MEMO1: variants seen among roughly 807,000 people sequenced by gnomAD.
The protein encoded by MEMO1 is mediator of cell motility 1.
Under a neutral mutation model 45.2 loss-of-function variants are expected in MEMO1, and 6 were observed. That is an observed-to-expected ratio of 0.13 (90% CI 0.07 to 0.26). MEMO1 has a LOEUF of 0.26. MEMO1 is among the 10% of genes least tolerant of loss of function. The pLI is 1.00. For missense variants in MEMO1, 184 were observed against 370.5 expected (o/e 0.50, Z 4.13); for synonymous variants, 78 against 124.3 (o/e 0.63, Z 2.48).
intron 8 of MEMO1, among the ~76,000 whole-genome samples, chr2:31,877,787 T>C (rs1173262032): frequency 6.6e-6 from 1 of 152,164 alleles, no homozygotes; most frequent in African/African-American, 2.4e-5. Context: ...ACTGGGCATT[T>C]ACATTCTTAA....
At chr2:31,993,905 G>A (rs1672239201) in intron 2 of MEMO1, among the ~76,000 whole-genome samples, 2 of 145,890 alleles carry the variant, frequency 1.4e-5, no homozygotes, top group African/African-American at 2.6e-5. Flanking sequence ...CATAAGTAAT[G>A]CTGTTGCTGT....
chr2:31,969,439 A>G (rs1399972960), intron 2 of MEMO1, among the ~76,000 whole-genome samples: 3 of 151,786 alleles, frequency 2.0e-5, no homozygotes, highest in Non-Finnish European at 4.4e-5. Context: ...ATGTGTGTGT[A>G]TACGCATATA....
chr2:31,901,388 A>G (rs1308233485), intron 6 of MEMO1, among the ~76,000 whole-genome samples: 2 of 150,548 alleles, frequency 1.3e-5, no homozygotes, highest in Non-Finnish European at 3.0e-5. Context: ...AAAAAAAAAA[A>G]AAAAAAAAAA....
chr2:31,984,792 C>A (rs932815527), intron 2 of MEMO1, among the ~76,000 whole-genome samples: 13 of 151,968 alleles, frequency 8.6e-5, no homozygotes, highest in African/African-American at 2.9e-4. Context: ...GGCGACAGAG[C>A]GAGACTCCGT....
intron 5 of MEMO1, among the ~76,000 whole-genome samples, 179 bp from the exon 6 acceptor site, chr2:31,918,216 G>GAGTA (rs1681755171): frequency 6.6e-6 from 1 of 152,056 alleles, no homozygotes; most frequent in Non-Finnish European, 1.5e-5. Flanking sequence ...GAAGGAGGGA[G>GAGTA]AGTAAGGAGA....
At chr2:31,976,663 T>C (rs1057179104) in intron 2 of MEMO1, among the ~76,000 whole-genome samples, 16 of 152,212 alleles carry the variant, frequency 1.1e-4, no homozygotes, top group African/African-American at 3.9e-4. Context: ...TATTCATTTC[T>C]AAAAATTCAC....
chr2:31,923,375 C>A, intron 4 of MEMO1: 1 of 258,688 alleles, frequency 3.9e-6, no homozygotes. Flanking sequence ...TACCTCTCTT[C>A]CTTCAATATG....
intron 3 of MEMO1, among the ~76,000 whole-genome samples, chr2:31,940,045 C>G (rs1311781639): frequency 6.6e-6 from 1 of 152,084 alleles, no homozygotes; most frequent in Non-Finnish European, 1.5e-5. Context: ...CACTTTTTCC[C>G]CCGACACATT....
chr2:31,963,335 G>T, intron 2 of MEMO1: 1 of 1,350,818 alleles, frequency 7.4e-7, no homozygotes, highest in South Asian at 2.0e-5. Flanking sequence ...TAGTTATAAA[G>T]GTGTAGACAC....
intron 4 of MEMO1, 86 bp downstream of exon 4, chr2:31,931,975 TAATAAC>T (rs1664234627): frequency 4.7e-6 from 5 of 1,065,774 alleles, no homozygotes; most frequent in African/African-American, 3.2e-5. Context: ...ATTGAGTACA[TAATAAC>T]AATAAGTATA....
chr2:31,959,149 C>T (rs1240533984), intron 2 of MEMO1, among the ~76,000 whole-genome samples: 1 of 152,154 alleles, frequency 6.6e-6, no homozygotes, highest in South Asian at 2.1e-4. Flanking sequence ...TAGGAGACAA[C>T]AAGGCAACCA....
chr2:31,897,904 G>C (rs1011552217), intron 6 of MEMO1, among the ~76,000 whole-genome samples: 3 of 151,896 alleles, frequency 2.0e-5, no homozygotes, highest in African/African-American at 7.2e-5. Context: ...CTGGTTATTG[G>C]TCTTTTCAGG....
chr2:31,893,110 G>A (rs1272822209), intron 6 of MEMO1: 1 of 170,716 alleles, frequency 5.9e-6, no homozygotes, highest in African/African-American at 2.4e-5. Context: ...GCACTTAACT[G>A]ATGTAGGACA....
intron 2 of MEMO1, among the ~76,000 whole-genome samples, chr2:31,953,932 C>G (rs769993690): frequency 6.6e-6 from 1 of 152,190 alleles, no homozygotes; most frequent in Non-Finnish European, 1.5e-5. Flanking sequence ...TAATGTCCCA[C>G]TCCTCAATGA....
chr2:31,925,475 C>CAAAAAAA lies in MEMO1; in HGVS notation c.213-4572_213-4566dup, dbSNP rs70964741. Among the ~76,000 whole-genome samples the CAAAAAAA allele has an allele frequency of 2.2e-3, 177 of 79,172 alleles. 12 individuals are homozygous for CAAAAAAA. Among genetic ancestry groups the CAAAAAAA allele is most frequent in the African/African-American group, 5.7e-3 (81 of 14,286 alleles). The allele number at this position is 79,172 out of a possible 152,430, so 51.9% of individuals were successfully genotyped here. A position where few individuals can be genotyped will look rare whatever the true frequency, so the allele number is the denominator to read the frequency against. On this transcript the variant is annotated intron_variant, in intron 4 of 9. Coordinates refer to ENST00000404530, the MANE Select transcript of MEMO1 (RefSeq NM_001301833.4). ...TGGGGGACAGAGCAAGACTCCGTCTCAAAAAAAAAAAAAAAAAAAAAAAAT... is the reference window on the plus strand; with the variant it reads ...TGGGGGACAGAGCAAGACTCCGTCTCAAAAAAAAAAAAAAAAAAAAAAAAAAAAAAAT...
At chr2:31,967,917 T>C (rs1326864587) in intron 2 of MEMO1, among the ~76,000 whole-genome samples, 2 of 152,154 alleles carry the variant, frequency 1.3e-5, no homozygotes, top group African/African-American at 4.8e-5. Context: ...CTTCAAATAT[T>C]ATCTTGGAGA....
intron 6 of MEMO1, among the ~76,000 whole-genome samples, chr2:31,906,473 G>A (rs573049577): frequency 3.3e-5 from 5 of 151,736 alleles, no homozygotes; most frequent in South Asian, 2.1e-4. Flanking sequence ...ACAGGCACAC[G>A]CCACCAAGCC....
intron 8 of MEMO1, among the ~76,000 whole-genome samples, chr2:31,873,799 A>G (rs139007349): frequency 6.6e-6 from 1 of 152,250 alleles, no homozygotes; most frequent in East Asian, 1.9e-4. Flanking sequence ...ATGGGGTAGG[A>G]AAAGGAAATA....
intron 2 of MEMO1, among the ~76,000 whole-genome samples, chr2:31,957,298 T>C (rs917272167): frequency 6.6e-6 from 1 of 152,144 alleles, no homozygotes; most frequent in Non-Finnish European, 1.5e-5. Flanking sequence ...ATAAAAAATA[T>C]GGTGCAATCA....
Sources: gnomAD v4.1 joint callset for allele counts (sites outside exome capture counted in the v4.1 genomes callset) on GRCh38, gnomAD v4.1.1 for gene constraint, MANE v1.5 for transcripts, NCBI Gene and HGNC (gene_info 2026-07-23, HGNC 2026-07-21) for gene names.